GALR1: variants seen among roughly 807,000 people sequenced by gnomAD.
The protein encoded by GALR1 is galanin receptor 1.
Under a neutral mutation model 17.9 loss-of-function variants are expected in GALR1, and 11 were observed. The observed-to-expected ratio is 0.62, with a 90% confidence interval of 0.39 to 1.02. GALR1 has a LOEUF of 1.02. Ranked by LOEUF, GALR1 falls within the 50% of genes least tolerant of loss-of-function variation. The probability of loss-of-function intolerance (pLI) is 0.01; values close to 1 mark genes in which losing one functional copy is unlikely to be tolerated. For missense variants in GALR1, 441 were observed against 456.9 expected, an observed-to-expected ratio of 0.97 and a Z score of 0.32; for synonymous variants, 206 against 205.7, an observed-to-expected ratio of 1.00 and a Z score of -0.01.
At chr18:77,258,975 GTGA>G (rs1259754587) in intron 2 of GALR1, among the ~76,000 whole-genome samples, 3 of 131,810 alleles carry the variant, frequency 2.3e-5, no homozygotes, top group East Asian at 5.8e-4. Flanking sequence ...GGCGATTGTG[GTGA>G]TGGTGGTGGA....
rs974399926 is a variant in GALR1 at position 77,273,259 on chromosome 18, T to A, written c.*4357T>A. On this transcript the variant is annotated 3_prime_UTR_variant, in exon 3 of 3. Transcript: ENST00000299727. The stretch of plus-strand genomic sequence containing the variant: ...GGCAGATGCTCCCCATCCTTCCCCA[T>A]AGGCCCTGTTCCCGCATCCGATGAT... 2 of 152,346 alleles carry A rather than the reference T, an allele frequency of 1.3e-5. No individual in the cohort carries two copies. The highest frequency in any genetic ancestry group is 2.9e-5 in the Non-Finnish European group (2 of 68,152). The allele number at this position is 152,346 out of a possible 1,614,324, so 9.4% of individuals were successfully genotyped here.
Position 77,257,364 on chromosome 18 carries a change from G to A in GALR1, c.732+1141G>A, listed in dbSNP as rs549551615. ...TAACCACCTAAGAATACAAGGTGCAGTATAAATAACAAGACCATGCTATGG... is the reference window on the plus strand; with the variant it reads ...TAACCACCTAAGAATACAAGGTGCAATATAAATAACAAGACCATGCTATGG... On this transcript the variant is annotated intron_variant, in intron 2 of 2. Transcript: ENST00000299727. Among the ~76,000 whole-genome samples, 5 of 152,252 alleles carry A rather than the reference G, an allele frequency of 3.3e-5. No individual in the cohort carries two copies. The South Asian group carries it at 8.3e-4, about 25-fold the overall frequency.
chr18:77,251,682 C>T (rs1444534896), intron 1 of GALR1, among the ~76,000 whole-genome samples: 2 of 152,118 alleles, frequency 1.3e-5, no homozygotes, highest in Non-Finnish European at 2.9e-5. Flanking sequence ...CTGGTGGTCA[C>T]CAGAGCGCGG....
At chr18:77,259,263 G>A (rs111164272) in intron 2 of GALR1, among the ~76,000 whole-genome samples, 1,091 of 9,586 alleles carry the variant, frequency 0.11, 230 homozygotes, top group Non-Finnish European at 0.3. Flanking sequence ...AGTGGTGGTG[G>A]TGTTGGTGTT....
chr18:77,262,914 C>T (rs899324656), intron 2 of GALR1, among the ~76,000 whole-genome samples: 50 of 152,294 alleles, frequency 3.3e-4, no homozygotes, highest in African/African-American at 1.2e-3. Flanking sequence ...AAAAGGTAAA[C>T]TTGGAATGAG....
At chr18:77,259,693 T>TGTG (rs75475624) in intron 2 of GALR1, among the ~76,000 whole-genome samples, 74,623 of 146,044 alleles carry the variant, frequency 0.51, 18,834 homozygotes, top group Middle Eastern at 0.62. Context: ...TGGTGGCAAT[T>TGTG]GTGGTGATGG....
At position 77,267,803 on chromosome 18, in the gene GALR1, C is replaced by T. The variant is rs138086526; in HGVS notation, c.733-782C>T. On this transcript the variant is annotated intron_variant, in intron 2 of 2. Coordinates refer to ENST00000299727, the MANE Select transcript of GALR1 (RefSeq NM_001480.4). ...GGTTGCCCTGAGGCTTAATTCCAGT[C>T]CCATAGGTTTGTGGCCAGTGGAGGA... 2.5e-3 allele frequency among the ~76,000 whole-genome samples: 380 copies of T among 152,274 alleles called. 3 individuals are homozygous for T. The highest frequency in any genetic ancestry group is 8.3e-3 in the African/African-American group (343 of 41,554).
At position 77,258,454 on chromosome 18, in the gene GALR1, G is replaced by C. The variant is rs901630260; in HGVS notation, c.732+2231G>C. 4.9e-3 allele frequency among the ~76,000 whole-genome samples: 740 copies of C among 151,684 alleles called. 3 individuals are homozygous for C. Among genetic ancestry groups the C allele is most frequent in the Non-Finnish European group, 8.1e-3 (550 of 67,864 alleles). On this transcript the variant is annotated intron_variant, in intron 2 of 2. Coordinates refer to ENST00000299727, the MANE Select transcript of GALR1 (RefSeq NM_001480.4). ...AAATAAATGTGGTGGTGGTGGTGGT[G>C]ATGATGGTGGTGGTATTGGTGGTGG...
rs1913150500 is a variant in GALR1 at position 77,276,034 on chromosome 18, A to G, written c.*7132A>G. ...AGAATCAAACTTAGTCATTCCATTG[A>G]AGTGAAATTGGATTATAATTTAGAA... On this transcript the variant is annotated 3_prime_UTR_variant, in exon 3 of 3. Coordinates refer to ENST00000299727, the MANE Select transcript of GALR1 (RefSeq NM_001480.4). 1 of 130,188 alleles carries G rather than the reference A, an allele frequency of 7.7e-6. No individual in the cohort carries two copies. Among genetic ancestry groups the G allele is most frequent in the Non-Finnish European group, 1.8e-5 (1 of 57,130 alleles). 8.1% of individuals were successfully genotyped at this position (130,188 alleles called of 1,614,324 possible).
intron 1 of GALR1, among the ~76,000 whole-genome samples, chr18:77,253,007 C>CCACCAT (rs1912501516): frequency 1.3e-5 from 1 of 74,158 alleles, no homozygotes; most frequent in Non-Finnish European, 3.0e-5. Flanking sequence ...ACCACCACCA[C>CCACCAT]CACCACCACC....
At position 77,272,131 on chromosome 18, in the gene GALR1, C is replaced by T. The variant is rs115997398; in HGVS notation, c.*3229C>T. On this transcript the variant is annotated 3_prime_UTR_variant, in exon 3 of 3. Coordinates refer to ENST00000299727, the MANE Select transcript of GALR1 (RefSeq NM_001480.4). ...TCCTAACTCACTTCTATCCAGATTT[C>T]CTCTCGATAATATTTACCACAGATA... 1 of 152,190 alleles carries T rather than the reference C, an allele frequency of 6.6e-6. No homozygotes were observed. The highest frequency in any genetic ancestry group is 1.5e-5 in the Non-Finnish European group (1 of 68,046). 9.4% of individuals were successfully genotyped at this position (152,190 alleles called of 1,614,324 possible).
At chr18:77,265,528 A>G (rs1486237366) in intron 2 of GALR1, among the ~76,000 whole-genome samples, 1 of 152,168 alleles carries the variant, frequency 6.6e-6, no homozygotes, top group African/African-American at 2.4e-5. Context: ...TCACAGATCC[A>G]CTAGGTAATG....
intron 1 of GALR1, chr18:77,253,909 A>G (rs1015672304): frequency 2.0e-5 from 3 of 152,214 alleles, no homozygotes; most frequent in Non-Finnish European, 2.9e-5. Context: ...CATCGAATAC[A>G]TGGGTGGGAG....
intron 2 of GALR1, among the ~76,000 whole-genome samples, chr18:77,259,422 GATGGTC>G (rs1485351373): frequency 1.4e-4 from 21 of 150,578 alleles, no homozygotes; most frequent in African/African-American, 4.9e-4. Context: ...TGGTGGTGAT[GATGGTC>G]ATGGTGGTGA....
intron 1 of GALR1, chr18:77,254,012 A>C (rs1407592270): frequency 6.6e-6 from 1 of 152,190 alleles, no homozygotes; most frequent in Non-Finnish European, 1.5e-5. Flanking sequence ...CCCCTCGCTC[A>C]CTTCCCTTAG....
rs1207353647 is a variant in GALR1, at chr18:77,268,719, C to T, written c.867C>T (p.His289=). ...PASFLFRITA[H]CLAYSNSSVN... ...CCTTCCTCTTCAGAATCACCGCCCA[C>T]TGCCTGGCGTACAGCAATTCCTCCG... The change falls in exon 3 of 3, where the codon CAC becomes CAT. Residue 289 remains histidine (H), a synonymous_variant. Transcript: ENST00000299727. The T allele has an allele frequency of 1.2e-6, 2 of 1,614,202 alleles. No homozygotes were observed. Among genetic ancestry groups the T allele is most frequent in the Non-Finnish European group, 8.5e-7 (1 of 1,180,038 alleles).
rs747931381 is a variant in GALR1 at position 77,256,223 on chromosome 18, GGTAAT to G, written c.732+2_732+6del. 1.3e-6 allele frequency: 2 copies of G among 1,530,206 alleles called. No homozygotes were observed. The highest frequency in any genetic ancestry group is 1.8e-6 in the Non-Finnish European group (2 of 1,104,942). 94.8% of individuals were successfully genotyped at this position (1,530,206 alleles called of 1,614,324 possible). ...AGAAGTCTGAAGCATCCAAGAAAAA[GGTAAT>G]GATCACAAATATATATATATATGTT... On this transcript the variant is annotated splice_donor_variant and splice_donor_5th_base_variant and intron_variant, in intron 2 of 2. Coordinates refer to ENST00000299727, the MANE Select transcript of GALR1 (RefSeq NM_001480.4). LOFTEE classifies it high-confidence loss of function.
In GALR1 at chr18:77,251,091, C is replaced by T. The variant is rs752190390; in HGVS notation, c.543C>T (p.Ala181=). The change falls in exon 1 of 3, where the codon GCC becomes GCT. Residue 181 remains alanine, a synonymous_variant. Transcript: ENST00000299727. Reference sequence around the variant, plus strand: ...ACCAGGGCCTCTTCCACCCGCGCGCCAGCAACCAGACCTTCTGCTGGGAGC... The same window carrying T: ...ACCAGGGCCTCTTCCACCCGCGCGCTAGCAACCAGACCTTCTGCTGGGAGC... The part of the protein sequence containing the change: ...AYHQGLFHPR[A]SNQTFCWEQW... The T allele has an allele frequency of 2.5e-6, 4 of 1,611,630 alleles. No homozygotes were observed. The African/African-American group carries it at 4.0e-5, about 16-fold the overall frequency.
chr18:77,257,195 A>G (rs776064997), intron 2 of GALR1, among the ~76,000 whole-genome samples: 21 of 152,222 alleles, frequency 1.4e-4, no homozygotes, highest in Non-Finnish European at 2.9e-4. Flanking sequence ...ATGAACAGTA[A>G]TGTGGCTAAA....
Sources: allele counts gnomAD v4.1 joint callset (sites outside exome capture counted in the v4.1 genomes callset), GRCh38; gene constraint gnomAD v4.1.1; transcripts MANE v1.5; gene names NCBI Gene and HGNC (gene_info 2026-07-23, HGNC 2026-07-21).